Variants in XKR6 observed in about 807,000 individuals in gnomAD.
XKR6 encodes the protein XK related 6, also known as XK-related protein 6.
Under a neutral mutation model 56.7 loss-of-function variants are expected in XKR6, and 22 were observed. The observed-to-expected ratio is 0.39, with a 90% CI of 0.28 to 0.55. XKR6 has a LOEUF of 0.55. Among genes scored for constraint, XKR6 ranks in the 20% least tolerant of loss-of-function variants. The pLI, the probability that XKR6 is intolerant of heterozygous loss-of-function variation, is 0.66. For missense variants in XKR6, 852 were observed against 889.0 expected (o/e 0.96, Z 0.53); for synonymous variants, 524 against 387.8 (o/e 1.35, Z -4.13).
At chr8:11,111,843 C>G (rs576702179) in intron 1 of XKR6, 3 of 151,662 alleles carry the variant, frequency 2.0e-5, no homozygotes, top group Admixed American at 6.6e-5. Context: ...ATATATTGAA[C>G]TTAGGGATCC....
intron 1 of XKR6, among the ~76,000 whole-genome samples, chr8:10,956,896 T>C (rs1801906959): frequency 6.6e-6 from 1 of 152,226 alleles, no homozygotes; most frequent in Non-Finnish European, 1.5e-5. Flanking sequence ...CCTTAAAATG[T>C]GTACCCTGGC....
intron 1 of XKR6, among the ~76,000 whole-genome samples, chr8:11,017,195 C>T (rs1798645227): frequency 6.6e-6 from 1 of 152,172 alleles, no homozygotes; most frequent in South Asian, 2.1e-4. Flanking sequence ...AACATTGTAA[C>T]ACGTATAGAT....
chr8:11,128,871 C>CCAT (rs1799959748), intron 1 of XKR6: 1 of 456,774 alleles, frequency 2.2e-6, no homozygotes. Context: ...AGCCAAGCCA[C>CCAT]CATCATCTCT....
At chr8:10,944,911 GA>G (rs1162713360) in intron 1 of XKR6, among the ~76,000 whole-genome samples, 1 of 152,216 alleles carries the variant, frequency 6.6e-6, no homozygotes, top group Non-Finnish European at 1.5e-5. Context: ...ACGCAGGGAT[GA>G]AATGGCATTT....
In XKR6 at chr8:11,201,643, G is replaced by C. The variant is rs1804254044; in HGVS notation, c.-304C>G. ...GGCGGGGGACCGGGGGGTTCTCCCC[G>C]CCAGGGCTCCCCTTCCCCTCTTCCG... On this transcript the variant is annotated 5_prime_UTR_variant, in exon 1 of 3. Coordinates refer to ENST00000416569, the MANE Select transcript of XKR6 (RefSeq NM_173683.4). Among the ~76,000 whole-genome samples, 1 of 151,660 alleles carries C rather than the reference G, an allele frequency of 6.6e-6. No individual in the cohort carries two copies. The highest frequency in any genetic ancestry group is 1.5e-5 in the Non-Finnish European group (1 of 67,834).
intron 1 of XKR6, among the ~76,000 whole-genome samples, chr8:11,097,784 G>A (rs865861030): frequency 1.8e-3 from 252 of 138,724 alleles, no homozygotes; most frequent in African/African-American, 5.9e-3. Flanking sequence ...TCCAGCCTGG[G>A]GGACAAGAGC....
At chr8:11,133,199 GAAGT>G (rs141982667) in intron 1 of XKR6, among the ~76,000 whole-genome samples, 6,927 of 152,194 alleles carry the variant, frequency 0.046, 552 homozygotes, top group African/African-American at 0.16. Context: ...TCAGTCATCA[GAAGT>G]AAGGTATCAA....
At chr8:11,114,198 A>C in intron 1 of XKR6, 1 of 351,462 alleles carries the variant, frequency 2.8e-6, no homozygotes, top group Non-Finnish European at 5.4e-6. Context: ...CAGAAAAATG[A>C]AAATGTACAC....
intron 1 of XKR6, among the ~76,000 whole-genome samples, chr8:10,992,746 T>G (rs1009640485): frequency 1.3e-5 from 2 of 152,164 alleles, no homozygotes; most frequent in African/African-American, 4.8e-5. Context: ...ATTCTGCATC[T>G]AGAGAGAAAG....
chr8:11,046,349 G>A (rs186995621), intron 1 of XKR6, among the ~76,000 whole-genome samples: 14 of 152,234 alleles, frequency 9.2e-5, no homozygotes, highest in Non-Finnish European at 1.5e-4. Context: ...GCAATGAGCC[G>A]AGGTTGTACC....
chr8:11,180,893 C>G (rs1443312437), intron 1 of XKR6, among the ~76,000 whole-genome samples: 2 of 152,160 alleles, frequency 1.3e-5, no homozygotes, highest in Non-Finnish European at 2.9e-5. Flanking sequence ...AGCAACTGAG[C>G]AAGACCTTGT....
intron 1 of XKR6, among the ~76,000 whole-genome samples, chr8:11,056,674 G>T (rs1311830155): frequency 6.6e-6 from 1 of 152,240 alleles, no homozygotes; most frequent in Non-Finnish European, 1.5e-5. Context: ...CACAAGTGCA[G>T]CAATTAATGT....
chr8:10,984,732 C>CTCTCTCTATATATATATATA, intron 1 of XKR6, among the ~76,000 whole-genome samples: 44 of 47,472 alleles, frequency 9.3e-4, no homozygotes, highest in Non-Finnish European at 1.4e-3. Flanking sequence ...CTCTCTCTCT[C>CTCTCTCTATATATATATATA]TATATATATA....
At chr8:10,954,026 A>G (rs1011531251) in intron 1 of XKR6, among the ~76,000 whole-genome samples, 1 of 152,240 alleles carries the variant, frequency 6.6e-6, no homozygotes, top group Non-Finnish European at 1.5e-5. Context: ...ATGTTCCATT[A>G]TATGTATATA....
chr8:11,201,308 CCCACGCCACCG>C lies in XKR6; in HGVS notation c.21_31del (p.Val10LeufsTer270). 6.3e-7 allele frequency: 1 copy of C among 1,580,942 alleles called. No homozygotes were observed. Among genetic ancestry groups the C allele is most frequent in the Non-Finnish European group, 8.5e-7 (1 of 1,173,404 alleles). Reference sequence around the variant, plus strand: ...GTTGTGCAGCTGAGCGAAGCCCACCCCCACGCCACCGCCATCGGATTTCGCCGCCATCTTGA... The same window carrying C: ...GTTGTGCAGCTGAGCGAAGCCCACCCCCATCGGATTTCGCCGCCATCTTGA... On this transcript the variant is annotated frameshift_variant, in exon 1 of 3. Transcript: ENST00000416569. LOFTEE classifies it high-confidence loss of function.
chr8:10,985,144 G>C (rs978426833), intron 1 of XKR6, among the ~76,000 whole-genome samples: 3 of 151,878 alleles, frequency 2.0e-5, no homozygotes, highest in Non-Finnish European at 4.4e-5. Context: ...GGGGTGATAC[G>C]GTTTTGCTGT....
Position 10,968,071 on chromosome 8 carries a change from C to T in XKR6, c.765-43241G>A, listed in dbSNP as rs543405693. Among the ~76,000 whole-genome samples, 53 of 152,310 alleles carry T rather than the reference C, an allele frequency of 3.5e-4. 1 individual carries two copies. The highest frequency in any genetic ancestry group is 1.1e-3 in the African/African-American group (44 of 41,564). On this transcript the variant is annotated intron_variant, in intron 1 of 2. Coordinates refer to ENST00000416569, the MANE Select transcript of XKR6 (RefSeq NM_173683.4). ...AGCACCCCCCAGCCTTTCCTGTGAG[C>T]GAGGGGCCTGTTGCTGCTCCCCCTG...
intron 1 of XKR6, among the ~76,000 whole-genome samples, chr8:11,162,315 C>A (rs775885219): frequency 6.6e-6 from 1 of 152,098 alleles, no homozygotes; most frequent in Non-Finnish European, 1.5e-5. Flanking sequence ...GCCGCCTTCT[C>A]CCCCTTGGCC....
chr8:10,962,843 G>A (rs1350136555), intron 1 of XKR6, among the ~76,000 whole-genome samples: 6 of 152,000 alleles, frequency 3.9e-5, no homozygotes, highest in African/African-American at 7.2e-5. Context: ...GGCTGGTCTC[G>A]AACTCCTGAC....
Sources: allele counts gnomAD v4.1 joint callset (sites outside exome capture counted in the v4.1 genomes callset), GRCh38; gene constraint gnomAD v4.1.1; transcripts MANE v1.5; gene names NCBI Gene and HGNC (gene_info 2026-07-23, HGNC 2026-07-21).